The following ALK variants were observed in gnomAD, a reference collection of about 807,000 sequenced individuals.
ALK encodes ALK receptor tyrosine kinase, also known as ALK tyrosine kinase receptor.
A neutral mutation model predicts 163.1 loss-of-function variants in ALK; 74 were observed. The observed-to-expected ratio is 0.45, with a 90% CI of 0.38 to 0.55. ALK has a LOEUF of 0.55. ALK is among the 20% of genes least tolerant of loss of function. The probability of loss-of-function intolerance (pLI) is 0.00; values close to 1 mark genes in which losing one functional copy is unlikely to be tolerated. For synonymous variants in ALK, 960 were observed against 843.2 expected, an observed-to-expected ratio of 1.14 and a Z score of -2.40; for missense variants, 2,063 against 2,105.3, an observed-to-expected ratio of 0.98 and a Z score of 0.39.
intron 1 of ALK, among the ~76,000 whole-genome samples, chr2:29,873,100 C>T (rs1363848291): frequency 1.3e-5 from 2 of 152,222 alleles, no homozygotes; most frequent in Admixed American, 1.3e-4. Context: ...GAGTCAGGGG[C>T]ACTGGTGGTA....
chr2:29,569,239 G>A (rs1289164309), intron 3 of ALK, among the ~76,000 whole-genome samples: 1 of 152,112 alleles, frequency 6.6e-6, no homozygotes, highest in Non-Finnish European at 1.5e-5. Context: ...TTCACCCTTA[G>A]AGCATGGGGT....
At chr2:29,852,253 G>A (rs1666015325) in intron 1 of ALK, among the ~76,000 whole-genome samples, 1 of 152,194 alleles carries the variant, frequency 6.6e-6, no homozygotes, top group South Asian at 2.1e-4. Context: ...TTCATGGCAT[G>A]GCAGCCTTCC....
At chr2:29,428,980 A>G (rs1054964408) in intron 4 of ALK, among the ~76,000 whole-genome samples, 1 of 152,060 alleles carries the variant, frequency 6.6e-6, no homozygotes, top group Admixed American at 6.6e-5. Context: ...AATAAACCAC[A>G]TCAGTAGAGT....
chr2:29,663,384 A>T (rs1677410136), intron 3 of ALK, among the ~76,000 whole-genome samples: 1 of 152,198 alleles, frequency 6.6e-6, no homozygotes, highest in Admixed American at 6.5e-5. Context: ...ACAGGAAAAG[A>T]TTGAAAGAAA....
chr2:29,836,588 G>C (rs1665567660), intron 1 of ALK, among the ~76,000 whole-genome samples: 1 of 152,246 alleles, frequency 6.6e-6, no homozygotes, highest in Non-Finnish European at 1.5e-5. Context: ...GTATAAGTAA[G>C]TGTAATATCA....
chr2:29,826,517 G>A (rs1039901595), intron 1 of ALK, among the ~76,000 whole-genome samples: 4 of 151,556 alleles, frequency 2.6e-5, no homozygotes, highest in Non-Finnish European at 5.9e-5. Context: ...TATGTGTCAG[G>A]GTTTAGCATT....
chr2:29,664,282 C>T (rs1220864538), intron 3 of ALK, among the ~76,000 whole-genome samples: 14 of 152,144 alleles, frequency 9.2e-5, no homozygotes, highest in Admixed American at 8.5e-4. Flanking sequence ...AAAAACCAAA[C>T]TTGAAATTTG....
rs529992105 is a variant in ALK at position 29,231,462 on chromosome 2, T to C, written c.2632+842A>G. ...CTGTAAAACAGGAATGGTATCTGCC[T>C]GGAAACCTGCAGGTTGTTTTGACAG... On this transcript the variant is annotated intron_variant, in intron 15 of 28. Coordinates refer to ENST00000389048, the MANE Select transcript of ALK (RefSeq NM_004304.5). 1.3e-3 allele frequency among the ~76,000 whole-genome samples: 200 copies of C among 152,334 alleles called. 1 individual carries two copies. Among genetic ancestry groups the C allele is most frequent in the African/African-American group, 4.5e-3 (185 of 41,570 alleles).
intron 18 of ALK, among the ~76,000 whole-genome samples, 187 bp downstream of exon 18, chr2:29,226,735 A>C (rs1573131252): frequency 1.3e-5 from 2 of 151,534 alleles, no homozygotes; most frequent in Non-Finnish European, 2.9e-5. Context: ...GATTTTTAAG[A>C]CTCCTTCAGG....
At chr2:29,467,713 A>T (rs1211752152) in intron 4 of ALK, among the ~76,000 whole-genome samples, 2 of 152,186 alleles carry the variant, frequency 1.3e-5, no homozygotes, top group African/African-American at 4.8e-5. Context: ...ATACTAAAAT[A>T]TCATTTTTCT....
chr2:29,909,313 C>G (rs1480241470), intron 1 of ALK, among the ~76,000 whole-genome samples: 1 of 152,182 alleles, frequency 6.6e-6, no homozygotes, highest in Non-Finnish European at 1.5e-5. Context: ...AGGCATTTAC[C>G]AGACTCTGAC....
chr2:29,850,249 C>T (rs1306506327), intron 1 of ALK, among the ~76,000 whole-genome samples: 2 of 152,164 alleles, frequency 1.3e-5, no homozygotes, highest in Non-Finnish European at 2.9e-5. Flanking sequence ...AGACAAAAAG[C>T]AGCAAGTTAG....
intron 3 of ALK, among the ~76,000 whole-genome samples, chr2:29,614,496 A>G (rs932844946): frequency 1.3e-5 from 2 of 152,150 alleles, no homozygotes; most frequent in East Asian, 3.9e-4. Context: ...CCCTCTCTGT[A>G]GACTGACAGC....
chr2:29,589,647 A>G (rs184044101), intron 3 of ALK, among the ~76,000 whole-genome samples: 47 of 152,284 alleles, frequency 3.1e-4, no homozygotes, highest in African/African-American at 1.1e-3. Context: ...CCGGACAACA[A>G]TATCCAAAAT....
chr2:29,346,658 G>A (rs554733379), intron 5 of ALK, among the ~76,000 whole-genome samples: 1 of 152,354 alleles, frequency 6.6e-6, no homozygotes, highest in South Asian at 2.1e-4. Context: ...ATACCGATAT[G>A]TTTTATGTCC....
At chr2:29,684,506 A>G (rs1197970964) in intron 3 of ALK, among the ~76,000 whole-genome samples, 4 of 152,152 alleles carry the variant, frequency 2.6e-5, no homozygotes, top group Non-Finnish European at 5.9e-5. Context: ...TGTGGCCGGG[A>G]TGGCTGGTAA....
intron 5 of ALK, among the ~76,000 whole-genome samples, chr2:29,334,395 G>C (rs1558679224): frequency 6.6e-6 from 1 of 152,210 alleles, no homozygotes; most frequent in Non-Finnish European, 1.5e-5. Context: ...ATGTCCATTT[G>C]ATAGTTGAGA....
rs145964853 is a variant in ALK at position 29,915,790 on chromosome 2, A to G, written c.667+4203T>C. On this transcript the variant is annotated intron_variant, in intron 1 of 28. Coordinates refer to ENST00000389048, the MANE Select transcript of ALK (RefSeq NM_004304.5). The stretch of plus-strand genomic sequence containing the variant: ...GATGCTTTGTCATATACCCTCACCC[A>G]TAGATGTATCTTAGATACACAATTC... Among the ~76,000 whole-genome samples, 4 of 152,292 alleles carry G rather than the reference A, an allele frequency of 2.6e-5. No homozygotes were observed. In the East Asian group the frequency reaches 7.7e-4, roughly 29 times the overall value.
At chr2:29,696,164 G>A (rs1678555420) in intron 2 of ALK, among the ~76,000 whole-genome samples, 1 of 152,182 alleles carries the variant, frequency 6.6e-6, no homozygotes, top group Admixed American at 6.5e-5. Context: ...ACTGGATAAA[G>A]AAAATGTGGC....
Sources: gnomAD v4.1 joint callset for allele counts (sites outside exome capture counted in the v4.1 genomes callset) on GRCh38, gnomAD v4.1.1 for gene constraint, MANE v1.5 for transcripts, NCBI Gene and HGNC (gene_info 2026-07-23, HGNC 2026-07-21) for gene names.